Variants in BCAS3 observed in about 807,000 individuals in gnomAD.
The protein encoded by BCAS3 is BCAS3 microtubule associated cell migration factor.
BCAS3 carries 53 observed loss-of-function variants against 116.1 expected under a neutral mutation model. The ratio of observed to expected loss-of-function variants is 0.46; its 90% CI spans 0.37 to 0.57. BCAS3 has a LOEUF of 0.57. Ranked by LOEUF, BCAS3 falls within the 20% of genes least tolerant of loss-of-function variation. The probability of loss-of-function intolerance (pLI) is 0.00; values close to 1 mark genes in which losing one functional copy is unlikely to be tolerated. For missense variants in BCAS3, 917 were observed against 1,165.4 expected, an observed-to-expected ratio of 0.79 and a Z score of 3.10; for synonymous variants, 391 against 408.2, an observed-to-expected ratio of 0.96 and a Z score of 0.51.
In BCAS3 at chr17:61,204,072, G is replaced by T. The variant is rs957612004; in HGVS notation, c.2425+119508G>T. Reference sequence around the variant, plus strand: ...CTAACTGTTTTACAAATGTTTCCTCGCTCTGGGAGGTTTGATACACTCTTC... The same window carrying T: ...CTAACTGTTTTACAAATGTTTCCTCTCTCTGGGAGGTTTGATACACTCTTC... On this transcript the variant is annotated intron_variant, in intron 22 of 23. Transcript: ENST00000407086. The surrounding 1 kb of genome is among the most constrained non-coding windows in gnomAD (Gnocchi z 4.2). 6.6e-6 allele frequency among the ~76,000 whole-genome samples: 1 copy of T among 152,076 alleles called. No individual in the cohort carries two copies. Among genetic ancestry groups the T allele is most frequent in the African/African-American group, 2.4e-5 (1 of 41,392 alleles).
intron 15 of BCAS3, among the ~76,000 whole-genome samples, chr17:61,006,950 A>T (rs2064762400): frequency 6.6e-6 from 1 of 152,102 alleles, no homozygotes; most frequent in Admixed American, 6.6e-5. Context: ...TGAATTAAAA[A>T]TTGCTAAACC....
chr17:61,067,722 C>CAA (rs1353762363), intron 19 of BCAS3, among the ~76,000 whole-genome samples: 4 of 80,544 alleles, frequency 5.0e-5, no homozygotes, highest in Admixed American at 1.3e-4. Context: ...CTCAAACAAA[C>CAA]AAACAAAAAA....
chr17:61,381,522 C>G lies in BCAS3; in HGVS notation c.2594-10455C>G, dbSNP rs891462080. Among the ~76,000 whole-genome samples, 2 of 152,126 alleles carry G rather than the reference C, an allele frequency of 1.3e-5. No individual in the cohort carries two copies. Among genetic ancestry groups the G allele is most frequent in the African/African-American group, 4.8e-5 (2 of 41,428 alleles). On this transcript the variant is annotated intron_variant, in intron 23 of 23. Coordinates refer to ENST00000407086, the MANE Select transcript of BCAS3 (RefSeq NM_017679.5). The surrounding 1 kb of genome is among the most constrained non-coding windows in gnomAD (Gnocchi z 6.0). ...ACACCATTCCTTTGGCTAGGCTTGG[C>G]CTAGAACACTAGACCAAGAACTGGG... is the stretch of plus-strand genomic sequence containing the variant.
intron 23 of BCAS3, among the ~76,000 whole-genome samples, chr17:61,372,404 C>A (rs1488443750): frequency 6.6e-6 from 1 of 152,222 alleles, no homozygotes; most frequent in East Asian, 1.9e-4. Flanking sequence ...GCAATCTCTG[C>A]TTCCGTGTCT....
At chr17:60,771,475 T>C (rs937102520) in intron 6 of BCAS3, among the ~76,000 whole-genome samples, 2 of 152,312 alleles carry the variant, frequency 1.3e-5, no homozygotes, top group Non-Finnish European at 2.9e-5. Flanking sequence ...ATCAAACTTT[T>C]AAAAGAAACG....
At chr17:60,731,833 C>T (rs2040483731) in intron 5 of BCAS3, among the ~76,000 whole-genome samples, 1 of 147,410 alleles carries the variant, frequency 6.8e-6, no homozygotes, top group Non-Finnish European at 1.5e-5. Flanking sequence ...GGCTGGAGTG[C>T]AGTGGCATGA....
In BCAS3 at chr17:60,868,643, C is replaced by T; in HGVS notation, c.544C>T (p.Gln182Ter). 6.2e-7 allele frequency: 1 copy of T among 1,603,164 alleles called. No individual in the cohort carries two copies. Among genetic ancestry groups the T allele is most frequent in the Non-Finnish European group, 8.5e-7 (1 of 1,175,350 alleles). ...LRTGEMVKSI[Q>*]FKTPIYDLHC... ...TACTGGGGAGATGGTCAAGTCCATT[C>T]AATTTAAGACACCTATTTATGATCT... Residue 182 changes from glutamine (Q) to a stop codon, truncating the protein, a stop_gained, in exon 8 of 24, where the codon CAA becomes TAA. Transcript: ENST00000407086. LOFTEE classifies it high-confidence loss of function.
chr17:61,045,850 T>TCTCTCTCTCTC (rs2068018155), intron 19 of BCAS3, among the ~76,000 whole-genome samples: 1 of 522 alleles, frequency 1.9e-3, no homozygotes, highest in Non-Finnish European at 5.0e-3. Flanking sequence ...TCTCTCTCTC[T>TCTCTCTCTCTC]ATATATATAT....
At chr17:60,908,929 C>CA (rs2058338417) in intron 11 of BCAS3, among the ~76,000 whole-genome samples, 1 of 152,088 alleles carries the variant, frequency 6.6e-6, no homozygotes. Flanking sequence ...CAAGTAGTAA[C>CA]AGAAATAGAT....
chr17:60,857,548 T>C (rs1250303537), intron 7 of BCAS3, among the ~76,000 whole-genome samples: 3 of 152,244 alleles, frequency 2.0e-5, no homozygotes, highest in Non-Finnish European at 4.4e-5. Context: ...GCTTGTTTCA[T>C]GTCTGTCTAT....
In BCAS3 at chr17:60,981,518, A is replaced by C. The variant is rs565262919; in HGVS notation, c.1222-8453A>C. 3.3e-5 allele frequency among the ~76,000 whole-genome samples: 5 copies of C among 152,242 alleles called. No individual in the cohort carries two copies. In the East Asian group the frequency reaches 9.7e-4, roughly 29 times the overall value. On this transcript the variant is annotated intron_variant, in intron 14 of 23. Coordinates refer to ENST00000407086, the MANE Select transcript of BCAS3 (RefSeq NM_017679.5). ...GGCTGGTCTGGAACCCCTTACCTCA[A>C]GTGATCTGCCTGCCTTGGCTTTCCA...
chr17:61,335,302 G>A (rs747082967), intron 22 of BCAS3, among the ~76,000 whole-genome samples: 1 of 152,194 alleles, frequency 6.6e-6, no homozygotes, highest in Non-Finnish European at 1.5e-5. Flanking sequence ...CCTTTCCAGG[G>A]CACACTCGCA....
At chr17:61,108,873 T>C (rs2074858685) in intron 22 of BCAS3, among the ~76,000 whole-genome samples, 2 of 152,240 alleles carry the variant, frequency 1.3e-5, no homozygotes, top group South Asian at 4.1e-4. Context: ...GGTTTTCCAT[T>C]CCTGAGTTAC....
chr17:60,707,268 C>T (rs2037282882), intron 4 of BCAS3, among the ~76,000 whole-genome samples: 2 of 151,272 alleles, frequency 1.3e-5, no homozygotes, highest in South Asian at 4.1e-4. Context: ...GCTGGGATTA[C>T]AGGTGTGAGC....
chr17:61,270,314 G>A (rs937883944), intron 22 of BCAS3, among the ~76,000 whole-genome samples: 2 of 151,134 alleles, frequency 1.3e-5, no homozygotes, highest in African/African-American at 4.9e-5. Context: ...GTAGAGATGG[G>A]GTTTCACCAT....
intron 6 of BCAS3, among the ~76,000 whole-genome samples, chr17:60,788,957 AAT>A: frequency 6.6e-6 from 1 of 152,292 alleles, no homozygotes; most frequent in Non-Finnish European, 1.5e-5. Context: ...ACATTGAGTG[AAT>A]ATATAAGTTA....
chr17:61,386,796 GTTT>G (rs57275173), intron 23 of BCAS3, among the ~76,000 whole-genome samples: 2,558 of 113,800 alleles, frequency 0.022, 66 homozygotes, highest in African/African-American at 0.067. Flanking sequence ...TTTGTTTTTT[GTTT>G]TTTTTTTTTT....
intron 6 of BCAS3, among the ~76,000 whole-genome samples, chr17:60,762,017 T>A (rs2043589549): frequency 6.6e-6 from 1 of 152,118 alleles, no homozygotes; most frequent in Non-Finnish European, 1.5e-5. Context: ...TTGAGAAGGG[T>A]CTGTTCATAT....
At chr17:61,016,568 G>C (rs1204489117) in intron 16 of BCAS3, among the ~76,000 whole-genome samples, 1 of 152,098 alleles carries the variant, frequency 6.6e-6, no homozygotes, top group Non-Finnish European at 1.5e-5. Context: ...CTAGGTCTAT[G>C]ATATCATTAG....
Sources: gnomAD v4.1 joint callset for allele counts (sites outside exome capture counted in the v4.1 genomes callset) on GRCh38, gnomAD v4.1.1 for gene constraint, Gnocchi (gnomAD v3.1) non-coding constraint, MANE v1.5 for transcripts, NCBI Gene and HGNC (gene_info 2026-07-23, HGNC 2026-07-21) for gene names.